The following DKKL1 variants were observed in gnomAD, a reference collection of about 807,000 sequenced individuals.
The protein encoded by DKKL1 is dickkopf like acrosomal protein 1, also known as dickkopf-like protein 1.
DKKL1 carries 11 observed loss-of-function variants against 16.5 expected under a neutral mutation model. The observed-to-expected ratio is 0.67, with a 90% CI of 0.42 to 1.10. DKKL1 has a LOEUF of 1.10. Ranked by LOEUF, DKKL1 falls within the 50% of genes least tolerant of loss-of-function variation. The pLI, the probability that DKKL1 is intolerant of heterozygous loss-of-function variation, is 0.00. For missense variants in DKKL1, 320 were observed against 308.1 expected (o/e 1.04, Z -0.29); for synonymous variants, 119 against 133.2 (o/e 0.89, Z 0.73).
intron 4 of DKKL1, among the ~76,000 whole-genome samples, chr19:49,367,668 G>A (rs895151439): frequency 1.1e-4 from 17 of 151,976 alleles, no homozygotes; most frequent in Admixed American, 3.3e-4. Flanking sequence ...GGCCTCCCAA[G>A]GTGCTGGGAT....
intron 2 of DKKL1, among the ~76,000 whole-genome samples, chr19:49,365,132 C>T (rs1973199710): frequency 6.6e-6 from 1 of 152,166 alleles, no homozygotes; most frequent in South Asian, 2.1e-4. Flanking sequence ...CACCACTGCA[C>T]TCCAGCCTGG....
chr19:49,362,919 G>GTTGTTTTTTT (rs1568588572), upstream of DKKL1, among the ~76,000 whole-genome samples: 2 of 130,258 alleles, frequency 1.5e-5, no homozygotes, highest in African/African-American at 6.6e-5. Context: ...TGGTTTTTTT[G>GTTGTTTTTTT]TTTTTTGTTT....
upstream of DKKL1, among the ~76,000 whole-genome samples, chr19:49,363,433 C>T (rs1385253982): frequency 4.6e-5 from 7 of 152,228 alleles, no homozygotes; most frequent in Non-Finnish European, 1.0e-4. Flanking sequence ...TGCTTGTACT[C>T]CGGTGTCTCC....
chr19:49,373,689 C>T (rs989342139), intron 4 of DKKL1, among the ~76,000 whole-genome samples: 2 of 151,928 alleles, frequency 1.3e-5, no homozygotes, highest in Admixed American at 6.6e-5. Flanking sequence ...AGGATGGTCT[C>T]AAACTCCTGA....
At chr19:49,371,110 C>G (rs537613795) in intron 4 of DKKL1, 1 of 152,348 alleles carries the variant, frequency 6.6e-6, no homozygotes, top group East Asian at 1.9e-4. Context: ...AAGTACTCTC[C>G]CAGCACCTGC....
At chr19:49,363,598 C>T, upstream of DKKL1, 1 of 333,174 alleles carries the variant, frequency 3.0e-6, no homozygotes, top group Non-Finnish European at 5.8e-6. Context: ...GAAACGAGGG[C>T]CGCAATCAGA....
intron 4 of DKKL1, chr19:49,369,134 G>A (rs1396528914): frequency 6.6e-6 from 1 of 152,130 alleles, no homozygotes; most frequent in Non-Finnish European, 1.5e-5. Context: ...CAGGATTGCT[G>A]ATGGGCAGCA....
chr19:49,374,746 G>C lies in DKKL1; in HGVS notation c.447G>C (p.Leu149=). The C allele has an allele frequency of 6.4e-7, 1 of 1,560,552 alleles. No homozygotes were observed. The highest frequency in any genetic ancestry group is 1.2e-5 in the South Asian group (1 of 82,546). Residue 149 remains leucine, a synonymous_variant, in exon 5 of 5, where the codon CTG becomes CTC. Coordinates refer to ENST00000221498, the MANE Select transcript of DKKL1 (RefSeq NM_014419.4). ...CCAGGATGGAGGAGAAGGAGGCCCT[G>C]GTACCCATCCAGAAGGCCACGGACA... ...KVPRMEEKEA[L]VPIQKATDSF...
Position 49,374,809 on chromosome 19 carries a change from G to T in DKKL1, c.510G>T (p.Trp170Cys). The T allele has an allele frequency of 6.2e-7, 1 of 1,613,404 alleles. No homozygotes were observed. Among genetic ancestry groups the T allele is most frequent in the Non-Finnish European group, 8.5e-7 (1 of 1,179,672 alleles). ...AACTCCATCCCCGGGTGGCCTTCTG[G>T]ATCATTAAGCTGCCACGGCGGAGGT... ...HTELHPRVAF[W>C]IIKLPRRRSH... is the part of the protein sequence containing the mutation. Residue 170 changes from tryptophan to cysteine, a missense_variant, in exon 5 of 5, where the codon TGG (tryptophan) becomes TGT (cysteine). Trp to Cys is a radical substitution (Grantham distance 215). Transcript: ENST00000221498.
chr19:49,365,900 C>T lies in DKKL1; in HGVS notation c.417+15C>T, dbSNP rs373637709. 47 of 1,610,698 alleles carry T rather than the reference C, an allele frequency of 2.9e-5. No homozygotes were observed. In the African/African-American group the frequency reaches 3.2e-4, roughly 11 times the overall value. On this transcript the variant is annotated intron_variant, in intron 4 of 4. Transcript: ENST00000221498. ...GTGATTTGAAGGTTAGGACGTGCCCCGCCGTCAAAGTGTCCAGGCCCAAAC... is the reference window on the plus strand; with the variant it reads ...GTGATTTGAAGGTTAGGACGTGCCCTGCCGTCAAAGTGTCCAGGCCCAAAC...
chr19:49,364,245 G>T (rs1013595559), intron 1 of DKKL1, among the ~76,000 whole-genome samples: 2 of 151,986 alleles, frequency 1.3e-5, no homozygotes, highest in East Asian at 1.9e-4. Context: ...AGCTACTTCG[G>T]GGGGCTGAGG....
chr19:49,367,818 A>G (rs185800014), intron 4 of DKKL1, among the ~76,000 whole-genome samples: 5 of 152,344 alleles, frequency 3.3e-5, no homozygotes, highest in African/African-American at 7.2e-5. Flanking sequence ...TGATACATCC[A>G]TATGATACCC....
At chr19:49,365,173 C>T (rs1444571335) in intron 2 of DKKL1, among the ~76,000 whole-genome samples, 1 of 151,566 alleles carries the variant, frequency 6.6e-6, no homozygotes, top group East Asian at 1.9e-4. Flanking sequence ...TGTCTCTAAA[C>T]AAATAAATAT....
At chr19:49,362,805 G>A (rs1296238285), upstream of DKKL1, among the ~76,000 whole-genome samples, 1 of 151,940 alleles carries the variant, frequency 6.6e-6, no homozygotes, top group East Asian at 1.9e-4. Context: ...CTGGAATCCC[G>A]GCTACCCTCG....
chr19:49,373,028 G>A (rs1163611429), intron 4 of DKKL1, among the ~76,000 whole-genome samples: 1 of 151,272 alleles, frequency 6.6e-6, no homozygotes, highest in Non-Finnish European at 1.5e-5. Flanking sequence ...AATAGGCTGG[G>A]CATGGTGGCT....
At chr19:49,372,758 T>C (rs1973551956) in intron 4 of DKKL1, among the ~76,000 whole-genome samples, 1 of 151,276 alleles carries the variant, frequency 6.6e-6, no homozygotes, top group East Asian at 2.0e-4. Flanking sequence ...TCCCAGCACT[T>C]TGGGAGGCCG....
chr19:49,363,701 A>G, upstream of DKKL1: 1 of 478,824 alleles, frequency 2.1e-6, no homozygotes, highest in Non-Finnish European at 3.9e-6. Flanking sequence ...CAGGGAATGA[A>G]CTCACGGCTC....
At chr19:49,367,158 A>C (rs7252313) in intron 4 of DKKL1, among the ~76,000 whole-genome samples, 5,238 of 149,752 alleles carry the variant, frequency 0.035, 282 homozygotes, top group African/African-American at 0.12. Flanking sequence ...TCCCAAGTAG[A>C]TGGGACTACA....
chr19:49,363,788 G>A, upstream of DKKL1: 1 of 659,862 alleles, frequency 1.5e-6, no homozygotes, highest in South Asian at 1.7e-5. Context: ...TAGAGGCCCG[G>A]GCTCCTGGGT....
Sources: gnomAD v4.1 joint callset for allele counts (sites outside exome capture counted in the v4.1 genomes callset) on GRCh38, gnomAD v4.1.1 for gene constraint, MANE v1.5 for transcripts, NCBI Gene and HGNC (gene_info 2026-07-23, HGNC 2026-07-21) for gene names.